PRSS23: variants seen among roughly 807,000 people sequenced by gnomAD.
PRSS23 encodes the protein protease, serine 23.
Under a neutral mutation model 34.7 loss-of-function variants are expected in PRSS23, and 25 were observed. The ratio of observed to expected loss-of-function variants is 0.72; its 90% CI spans 0.53 to 1.01. The LOEUF (loss-of-function observed/expected upper bound fraction) is 1.01, where lower values mean the gene tolerates loss of function less well. Ranked by LOEUF, PRSS23 falls within the 50% of genes least tolerant of loss-of-function variation. The pLI, the probability that PRSS23 is intolerant of heterozygous loss-of-function variation, is 0.00. For missense variants in PRSS23, 445 were observed against 475.6 expected (o/e 0.94, Z 0.60); for synonymous variants, 176 against 186.6 (o/e 0.94, Z 0.46).
intron 1 of PRSS23, among the ~76,000 whole-genome samples, chr11:86,819,427 A>G (rs1247086680): frequency 6.6e-6 from 1 of 152,174 alleles, no homozygotes; most frequent in Non-Finnish European, 1.5e-5. Context: ...TATATAATTT[A>G]TTAACTTAGT....
At chr11:86,878,587 T>G (rs1422788831) in intron 2 of PRSS23, among the ~76,000 whole-genome samples, 1 of 152,018 alleles carries the variant, frequency 6.6e-6, no homozygotes, top group South Asian at 2.1e-4. Context: ...CAGGCTGGAG[T>G]GCAGTGGCGT....
chr11:86,887,137 A>T (rs1460147555), intron 2 of PRSS23, among the ~76,000 whole-genome samples: 5 of 152,210 alleles, frequency 3.3e-5, no homozygotes, highest in Admixed American at 6.5e-5. Flanking sequence ...CTCAAGGTAG[A>T]TATCAAATAC....
At chr11:86,877,340 A>G (rs1156458679) in intron 2 of PRSS23, among the ~76,000 whole-genome samples, 1 of 152,202 alleles carries the variant, frequency 6.6e-6, no homozygotes, top group Non-Finnish European at 1.5e-5. Context: ...GTCAGACCCA[A>G]TGTGGACACC....
chr11:86,942,024 C>T (rs1013113497), intron 2 of PRSS23, among the ~76,000 whole-genome samples: 1 of 152,108 alleles, frequency 6.6e-6, no homozygotes, highest in Non-Finnish European at 1.5e-5. Context: ...CAAGCTCTGA[C>T]GGTACATAAA....
chr11:86,939,328 G>C (rs1949185459), intron 2 of PRSS23, among the ~76,000 whole-genome samples: 1 of 141,398 alleles, frequency 7.1e-6, no homozygotes, highest in Non-Finnish European at 1.5e-5. Flanking sequence ...TCTTTTAAAA[G>C]AAACAAAGCT....
chr11:86,820,982 A>C (rs1565355227), intron 1 of PRSS23, among the ~76,000 whole-genome samples: 1 of 152,224 alleles, frequency 6.6e-6, no homozygotes, highest in South Asian at 2.1e-4. Flanking sequence ...GAATAACTTA[A>C]AAAGTATTTC....
chr11:86,845,485 C>T (rs1948479704), intron 2 of PRSS23, among the ~76,000 whole-genome samples: 1 of 152,144 alleles, frequency 6.6e-6, no homozygotes, highest in Non-Finnish European at 1.5e-5. Context: ...TTAATCACTG[C>T]TCACTTCTGT....
intron 2 of PRSS23, among the ~76,000 whole-genome samples, chr11:86,906,155 C>CG (rs1283392680): frequency 6.6e-6 from 1 of 151,422 alleles, no homozygotes; most frequent in African/African-American, 2.4e-5. Flanking sequence ...CTGGCGGGGC[C>CG]GGGGGGCGGG....
At chr11:86,856,208 G>A (rs1948569787) in intron 2 of PRSS23, among the ~76,000 whole-genome samples, 2 of 151,908 alleles carry the variant, frequency 1.3e-5, no homozygotes, top group Admixed American at 1.3e-4. Context: ...ATCATGTTTA[G>A]GACAATGCAT....
intron 2 of PRSS23, among the ~76,000 whole-genome samples, chr11:86,828,122 G>T (rs1417670906): frequency 6.6e-6 from 1 of 152,140 alleles, no homozygotes; most frequent in Non-Finnish European, 1.5e-5. Flanking sequence ...TTATTGTGTG[G>T]GAGTCTAAGT....
intron 2 of PRSS23, among the ~76,000 whole-genome samples, chr11:86,939,426 A>ATATATATATATTTTTTTTTTTT: frequency 3.2e-5 from 3 of 94,070 alleles, no homozygotes; most frequent in Non-Finnish European, 6.9e-5. Flanking sequence ...ATATATATAT[A>ATATATATATATTTTTTTTTTTT]TTTTTTAACA....
chr11:86,830,879 C>A (rs143346495), intron 2 of PRSS23, among the ~76,000 whole-genome samples: 58 of 152,154 alleles, frequency 3.8e-4, no homozygotes, highest in Non-Finnish European at 6.9e-4. Context: ...GGGGTGTACA[C>A]CCTGTGACAT....
chr11:86,816,935 T>C, intron 1 of PRSS23, among the ~76,000 whole-genome samples: 1 of 152,236 alleles, frequency 6.6e-6, no homozygotes, highest in East Asian at 1.9e-4. Context: ...TAAAATCCTA[T>C]GAAGATTCAT....
chr11:86,945,178 C>A (rs1246182579), intron 2 of PRSS23, among the ~76,000 whole-genome samples: 1 of 151,228 alleles, frequency 6.6e-6, no homozygotes, highest in Non-Finnish European at 1.5e-5. Flanking sequence ...ATGCCCATGT[C>A]TATTACACAA....
intron 2 of PRSS23, among the ~76,000 whole-genome samples, chr11:86,847,709 AC>A (rs1565364863): frequency 6.6e-6 from 1 of 152,208 alleles, no homozygotes; most frequent in Non-Finnish European, 1.5e-5. Flanking sequence ...TTTCTTCTGT[AC>A]CACTGCCTGG....
chr11:86,952,405 G>T, exon 3 of PRSS23: 1 of 1,614,046 alleles, frequency 6.2e-7, no homozygotes, highest in Non-Finnish European at 8.5e-7. Flanking sequence ...ACATGCCGCC[G>T]CATGGGCCAA....
chr11:86,882,715 C>T (rs11602664), intron 2 of PRSS23, among the ~76,000 whole-genome samples: 4,226 of 152,198 alleles, frequency 0.028, 71 homozygotes, highest in Non-Finnish European at 0.042. Context: ...TGGGTATATC[C>T]TCAGTAATGA....
intron 2 of PRSS23, among the ~76,000 whole-genome samples, chr11:86,877,161 T>C (rs972537814): frequency 1.3e-5 from 2 of 152,212 alleles, no homozygotes; most frequent in Non-Finnish European, 2.9e-5. Flanking sequence ...GCTTTATCCA[T>C]TGTACCCTAT....
At position 86,833,077 on chromosome 11, in the gene PRSS23, A is replaced by T. The variant is rs565928997; in HGVS notation, c.206+9484A>T. 5.1e-4 allele frequency: 295 copies of T among 582,634 alleles called. 2 individuals carry two copies. Among genetic ancestry groups the T allele is most frequent in the African/African-American group, 5.0e-3 (270 of 53,776 alleles). The allele number at this position is 582,634 out of a possible 1,614,324, so 36.1% of individuals were successfully genotyped here. A position where few individuals can be genotyped will look rare whatever the true frequency, so the allele number is the denominator to read the frequency against. On this transcript the variant is annotated intron_variant, in intron 2 of 2. Coordinates refer to the PRSS23 transcript ENST00000533902. Reference sequence around the variant, plus strand: ...ATGGCTGAATAATATAGAGGGTGACAGATGGCTACAAACCGGTCATAGGCC... The same window carrying T: ...ATGGCTGAATAATATAGAGGGTGACTGATGGCTACAAACCGGTCATAGGCC...
Sources: gnomAD v4.1 joint callset for allele counts (sites outside exome capture counted in the v4.1 genomes callset) on GRCh38, gnomAD v4.1.1 for gene constraint, MANE v1.5 for transcripts, NCBI Gene and HGNC (gene_info 2026-07-23, HGNC 2026-07-21) for gene names.